Variants in ARHGAP31 observed in about 807,000 individuals in gnomAD.
The protein encoded by ARHGAP31 is rho GTPase-activating protein 31.
A neutral mutation model predicts 113.9 loss-of-function variants in ARHGAP31; 34 were observed. That is an observed-to-expected ratio of 0.30 (90% CI 0.23 to 0.40). The LOEUF (loss-of-function observed/expected upper bound fraction) is 0.40, where lower values mean the gene tolerates loss of function less well. Among genes scored for constraint, ARHGAP31 ranks in the 10% least tolerant of loss-of-function variants. The pLI is 1.00. For missense variants in ARHGAP31, 1,548 were observed against 1,767.1 expected (o/e 0.88, Z 2.22); for synonymous variants, 650 against 684.8 (o/e 0.95, Z 0.79).
chr3:119,379,123 A>T (rs2107629655), intron 3 of ARHGAP31, among the ~76,000 whole-genome samples: 1 of 152,378 alleles, frequency 6.6e-6, no homozygotes, highest in Admixed American at 6.5e-5. Flanking sequence ...TAGTGGGCAA[A>T]GCCCTGGCCT....
chr3:119,392,110 G>A (rs2873688), intron 7 of ARHGAP31, among the ~76,000 whole-genome samples: 122,191 of 152,116 alleles, frequency 0.8, 49,362 homozygotes, highest in East Asian at 0.91. Context: ...GCCAAGTCCA[G>A]AGGAAACCAC....
At chr3:119,389,087 G>A (rs1312830021) in intron 6 of ARHGAP31, among the ~76,000 whole-genome samples, 1 of 152,100 alleles carries the variant, frequency 6.6e-6, no homozygotes, top group African/African-American at 2.4e-5. Context: ...CTTGAACCCA[G>A]GAGTCGGAGG....
intron 1 of ARHGAP31, among the ~76,000 whole-genome samples, chr3:119,351,612 G>GA (rs201317835): frequency 7.3e-5 from 11 of 150,268 alleles, no homozygotes; most frequent in South Asian, 2.1e-4. Flanking sequence ...AGGTATGCAA[G>GA]AAAAAAAAAG....
intron 1 of ARHGAP31, among the ~76,000 whole-genome samples, chr3:119,344,518 C>A (rs1355494153): frequency 1.3e-5 from 2 of 152,170 alleles, no homozygotes; most frequent in African/African-American, 4.8e-5. Context: ...AATGGAGGAC[C>A]AAAGCCCAAT....
At chr3:119,393,678 C>A in intron 8 of ARHGAP31, 87 bp downstream of exon 8, 1 of 1,492,610 alleles carries the variant, frequency 6.7e-7, no homozygotes, top group Non-Finnish European at 9.3e-7. Flanking sequence ...ATATCAAACA[C>A]ACTAGCTCTG....
chr3:119,320,813 C>T (rs759967650), intron 1 of ARHGAP31, among the ~76,000 whole-genome samples: 83 of 152,258 alleles, frequency 5.5e-4, no homozygotes, highest in Non-Finnish European at 8.8e-4. Flanking sequence ...TGTATCCCCA[C>T]CCAAATCTCA....
intron 1 of ARHGAP31, among the ~76,000 whole-genome samples, chr3:119,315,586 C>G (rs1193477672): frequency 6.6e-6 from 1 of 152,190 alleles, no homozygotes. Context: ...CTCTTAAGGC[C>G]TCGCTAAGAC....
chr3:119,298,230 C>G (rs1273181663), intron 1 of ARHGAP31, among the ~76,000 whole-genome samples: 2 of 152,186 alleles, frequency 1.3e-5, no homozygotes, highest in African/African-American at 2.4e-5. Flanking sequence ...CCCCTGGGAA[C>G]CAGCTAACTT....
In ARHGAP31 at chr3:119,390,849, C is replaced by A. The variant is rs1454794541; in HGVS notation, c.747C>A (p.Ser249Arg). ...TCTCCCTGCCCATGAAGCTGGTGAG[C>A]CTTGAGGAAGCTCAAGCCCGCAGCC... ...PALSLPMKLV[S>R]LEEAQARSLA... is the part of the protein sequence containing the mutation. Residue 249 changes from serine (S) to arginine (R), a missense_variant, in exon 7 of 12, where the codon AGC (serine) becomes AGA (arginine). Physicochemically the swap from Ser to Arg is moderately radical, Grantham distance 110. Coordinates refer to ENST00000264245, the MANE Select transcript of ARHGAP31 (RefSeq NM_020754.4). 1 of 1,613,804 alleles carries A rather than the reference C, an allele frequency of 6.2e-7. No homozygotes were observed. Among genetic ancestry groups the A allele is most frequent in the South Asian group, 1.1e-5 (1 of 91,064 alleles).
chr3:119,347,265 C>T (rs1233078984), intron 1 of ARHGAP31, among the ~76,000 whole-genome samples: 2 of 152,172 alleles, frequency 1.3e-5, no homozygotes, highest in African/African-American at 4.8e-5. Flanking sequence ...AAGGAAATTA[C>T]CGGACTATAA....
Position 119,294,881 on chromosome 3 carries a change from G to T in ARHGAP31, c.-24G>T. The T allele has an allele frequency of 1.2e-6, 2 of 1,609,398 alleles. No individual in the cohort carries two copies. Among genetic ancestry groups the T allele is most frequent in the Non-Finnish European group, 8.5e-7 (1 of 1,176,030 alleles). ...AAGCAGAGGGGCGGCAGAGACGGAG[G>T]GGCAGCCTCTTTGGGACTAACTCAT... On this transcript the variant is annotated 5_prime_UTR_variant, in exon 1 of 12. Transcript: ENST00000264245.
chr3:119,311,867 G>C (rs1027467052), intron 1 of ARHGAP31, among the ~76,000 whole-genome samples: 1 of 152,242 alleles, frequency 6.6e-6, no homozygotes, highest in African/African-American at 2.4e-5. Context: ...ACTCAGAGGA[G>C]TGGGATCTTA....
chr3:119,299,769 A>T (rs2079564021), intron 1 of ARHGAP31, among the ~76,000 whole-genome samples: 1 of 152,270 alleles, frequency 6.6e-6, no homozygotes, highest in Admixed American at 6.5e-5. Context: ...GAAAAGCTGA[A>T]GAAGAAAATT....
At chr3:119,356,711 A>G (rs2080161783) in intron 1 of ARHGAP31, among the ~76,000 whole-genome samples, 1 of 152,196 alleles carries the variant, frequency 6.6e-6, no homozygotes, top group South Asian at 2.1e-4. Context: ...TATATCTGAG[A>G]CCACTCTATG....
chr3:119,365,133 G>A (rs970613308), intron 1 of ARHGAP31, among the ~76,000 whole-genome samples, 183 bp from the exon 2 acceptor site: 1 of 151,982 alleles, frequency 6.6e-6, no homozygotes, highest in African/African-American at 2.4e-5. Context: ...AAAGCCCTAT[G>A]ATTTTTTTTT....
At chr3:119,360,475 AG>A (rs2080195977) in intron 1 of ARHGAP31, among the ~76,000 whole-genome samples, 2 of 152,264 alleles carry the variant, frequency 1.3e-5, no homozygotes, top group South Asian at 4.1e-4. Flanking sequence ...CTCTGTCTCC[AG>A]GTCTGATCAG....
At chr3:119,404,109 T>C (rs1361354515) in intron 10 of ARHGAP31, among the ~76,000 whole-genome samples, 1 of 152,030 alleles carries the variant, frequency 6.6e-6, no homozygotes, top group Non-Finnish European at 1.5e-5. Context: ...GTGTGGGTCA[T>C]GGGCAGCAAG....
chr3:119,373,649 A>G (rs563160732), intron 3 of ARHGAP31, among the ~76,000 whole-genome samples: 1 of 152,266 alleles, frequency 6.6e-6, no homozygotes, highest in South Asian at 2.1e-4. Context: ...TTTTTAGTAG[A>G]GACAGGGTTT....
intron 3 of ARHGAP31, among the ~76,000 whole-genome samples, chr3:119,371,454 G>A (rs1337593071): frequency 6.6e-6 from 1 of 152,142 alleles, no homozygotes; most frequent in African/African-American, 2.4e-5. Flanking sequence ...GGGATGTTTT[G>A]TTATGACAAC....
Sources: allele counts gnomAD v4.1 joint callset (sites outside exome capture counted in the v4.1 genomes callset), GRCh38; gene constraint gnomAD v4.1.1; transcripts MANE v1.5; gene names NCBI Gene and HGNC (gene_info 2026-07-23, HGNC 2026-07-21).